Variants in FLNA observed in about 807,000 individuals in gnomAD.
FLNA encodes the protein filamin-A.
FLNA carries 7 observed loss-of-function variants against 157.6 expected under a neutral mutation model. The ratio of observed to expected loss-of-function variants is 0.04; its 90% CI spans 0.03 to 0.08. FLNA has a LOEUF of 0.08. FLNA is among the 10% of genes least tolerant of loss of function. The probability of loss-of-function intolerance (pLI) is 1.00; values close to 1 mark genes in which losing one functional copy is unlikely to be tolerated. For synonymous variants in FLNA, 1,103 were observed against 1,060.8 expected (o/e 1.04, Z -0.77); for missense variants, 1,750 against 2,398.4 (o/e 0.73, Z 5.65).
Position 154,354,936 on chromosome X carries a change from C to T in FLNA, c.5106G>A (p.Glu1702=). 8.2e-7 allele frequency: 1 copy of T among 1,212,286 alleles called. No individual in the cohort carries two copies. Residue 1702 remains glutamate, a synonymous_variant, in exon 31 of 48, where the codon GAG becomes GAA. Transcript: ENST00000369850. ...AGATGTCGAAAGTGCCGTCCTCATT[C>T]TCCACCACGTCCACATCCACCTCTG... ...DGSEVDVDVV[E]NEDGTFDIFY...
At chrX:154,349,264 C>T (rs1371727252) in intron 47 of FLNA, 98 bp downstream of exon 47, 28 of 952,159 alleles carry the variant, frequency 2.9e-5, no homozygotes, top group Middle Eastern at 3.5e-4. Context: ...GTGAAAGCCA[C>T]GCCCCAAAGG....
chrX:154,351,823 C>G, intron 42 of FLNA, 61 bp downstream of exon 42: 1 of 1,191,185 alleles, frequency 8.4e-7, no homozygotes, highest in Non-Finnish European at 1.1e-6. Context: ...CTGTGCCAGC[C>G]CTGGGTCCAA....
intron 19 of FLNA, 85 bp downstream of exon 19, chrX:154,361,894 G>C: frequency 8.9e-7 from 1 of 1,120,564 alleles, no homozygotes; most frequent in East Asian, 3.0e-5. Flanking sequence ...GAATGAGAGT[G>C]GGCAGAAAGT....
rs781842762 is a variant in FLNA, at chrX:154,362,099, A to G, written c.2706T>C (p.Ala902=). 6.6e-6 allele frequency: 8 copies of G among 1,209,841 alleles called. No homozygotes were observed. The highest frequency in any genetic ancestry group is 8.9e-6 in the Non-Finnish European group (8 of 894,987). ...PTHFTVNAKA[A]GKGKLDVQFS... The stretch of plus-strand genomic sequence containing the variant: ...ACTGGACGTCCAGCTTGCCTTTGCC[A>G]GCAGCTTTGGCATTTACTGTGAAGT... The change falls in exon 19 of 48, where the codon GCT becomes GCC. Residue 902 remains alanine (A), a synonymous_variant. Coordinates refer to ENST00000369850, the MANE Select transcript of FLNA (RefSeq NM_001110556.2).
Position 154,364,529 on chromosome X carries a change from G to A in FLNA, c.2019C>T (p.Asp673=), listed in dbSNP as rs1557178734. ...IRDAPQDFHP[D]RVKARGPGLE... ...GCCATCACAGCCTGCTCTTTACCCTGTCTGGGTGGAAGTCCTGGGGCGCGT... is the reference window on the plus strand; with the variant it reads ...GCCATCACAGCCTGCTCTTTACCCTATCTGGGTGGAAGTCCTGGGGCGCGT... Residue 673 remains aspartate, a synonymous_variant, in exon 13 of 48, where the codon GAC becomes GAT. Coordinates refer to ENST00000369850, the MANE Select transcript of FLNA (RefSeq NM_001110556.2). The A allele has an allele frequency of 3.3e-6, 4 of 1,209,622 alleles. No individual in the cohort carries two copies. Among genetic ancestry groups the A allele is most frequent in the Non-Finnish European group, 4.5e-6 (4 of 895,182 alleles).
intron 30 of FLNA, among the ~76,000 whole-genome samples, chrX:154,356,142 C>T (rs1161621272): frequency 8.9e-6 from 1 of 112,173 alleles, no homozygotes; most frequent in Non-Finnish European, 1.9e-5. Context: ...GCTTGGGCCC[C>T]AACCTCACAG....
rs372351673 is a variant in FLNA, at chrX:154,353,351, C to T, written c.5967G>A (p.Pro1989=). The T allele has an allele frequency of 3.4e-5, 41 of 1,210,724 alleles. No individual in the cohort carries two copies. The highest frequency in any genetic ancestry group is 4.2e-5 in the Non-Finnish European group (38 of 895,381). Residue 1989 remains proline (P), a synonymous_variant, in exon 37 of 48, where the codon CCG becomes CCA. Transcript: ENST00000369850. ...AACAGGGCTCCTCCCGGCCCGAGGG[C>T]GGGACCACAGTGGCCGTCAGCAGGC... ...DLSLLTATVV[P]PSGREEPCLL... is the part of the protein sequence containing the mutation.
chrX:154,358,945 G>A, intron 26 of FLNA, 39 bp downstream of exon 26: 1 of 1,199,421 alleles, frequency 8.3e-7, no homozygotes, highest in South Asian at 1.8e-5. Flanking sequence ...ACAGGACACT[G>A]CCCTCCTGAC....
chrX:154,360,390 G>A lies in FLNA; in HGVS notation c.3405C>T (p.Asn1135=). The change falls in exon 22 of 48, where the codon AAC becomes AAT. Residue 1135 remains asparagine, a synonymous_variant. Transcript: ENST00000369850. ...SYVPTEPGDY[N]INILFADTHI... The stretch of plus-strand genomic sequence containing the variant: ...GGGTGTCAGCGAAGAGGATGTTGAT[G>A]TTGTAGTCCCCGGGCTCGGTGGGCA... The A allele has an allele frequency of 8.3e-7, 1 of 1,211,631 alleles. No homozygotes were observed. Among genetic ancestry groups the A allele is most frequent in the East Asian group, 3.0e-5 (1 of 33,871 alleles).
Position 154,364,343 on chromosome X carries a change from C to T in FLNA, c.2052G>A (p.Lys684=), listed in dbSNP as rs1557178680. 4 of 1,209,135 alleles carry T rather than the reference C, an allele frequency of 3.3e-6. No individual in the cohort carries two copies. The African/African-American group carries it at 7.0e-5, about 21-fold the overall frequency. The change falls in exon 14 of 48, where the codon AAG becomes AAA. Residue 684 remains lysine, a synonymous_variant. Transcript: ENST00000369850. ...CTGGCTTGTTGACGGCCACACCTGTCTTCTCCAATCCAGGCCCACGTGCCT... is the reference window on the plus strand; with the variant it reads ...CTGGCTTGTTGACGGCCACACCTGTTTTCTCCAATCCAGGCCCACGTGCCT... ...RVKARGPGLE[K]TGVAVNKPAE...
rs782307585 is a variant in FLNA at position 154,358,301 on chromosome X, A to C, written c.4653T>G (p.Ser1551Arg). The C allele has an allele frequency of 8.3e-7, 1 of 1,211,252 alleles. No homozygotes were observed. The highest frequency in any genetic ancestry group is 2.2e-5 in the Admixed American group (1 of 46,113). ...PTHDASKVKA[S>R]GPGLNTTGVP... is the part of the protein sequence containing the mutation. ...CGCCAGTGGTGTTGAGCCCGGGGCCACTGGCCTTCACCTTGCTGGCATCAT... is the reference window on the plus strand; with the variant it reads ...CGCCAGTGGTGTTGAGCCCGGGGCCCCTGGCCTTCACCTTGCTGGCATCAT... Residue 1551 changes from serine (S) to arginine (R), a missense_variant, in exon 28 of 48, where the codon AGT becomes AGG. Ser to Arg is a moderately radical substitution (Grantham distance 110, BLOSUM62 -1). Coordinates refer to ENST00000369850, the MANE Select transcript of FLNA (RefSeq NM_001110556.2).
Position 154,352,789 on chromosome X carries a change from G to T in FLNA, c.6362C>A (p.Ala2121Asp), listed in dbSNP as rs868993210. 1.7e-6 allele frequency: 2 copies of T among 1,211,843 alleles called. No individual in the cohort carries two copies. Among genetic ancestry groups the T allele is most frequent in the South Asian group, 3.5e-5 (2 of 57,028 alleles). ...PGNYIINIKF[A>D]DQHVPGSPFS... ...GCACTCACCAGGCACGTGCTGGTCG[G>T]CAAACTTGATGTTGATGATGTAGTT... The change falls in exon 39 of 48, where the codon GCC (alanine) becomes GAC (aspartate). Residue 2121 changes from alanine (A) to aspartate (D), a missense_variant. Ala to Asp is a moderately radical substitution (Grantham distance 126). Coordinates refer to ENST00000369850, the MANE Select transcript of FLNA (RefSeq NM_001110556.2).
chrX:154,351,611 G>A lies in FLNA; in HGVS notation c.6993C>T (p.Asp2331=), dbSNP rs201153928. Residue 2331 remains aspartate (D), a synonymous_variant, in exon 43 of 48, where the codon GAC becomes GAT. Coordinates refer to ENST00000369850, the MANE Select transcript of FLNA (RefSeq NM_001110556.2). ...GGCTAGAAACAGTGAGGCGGCGGGC[G>A]TCGCCAGACGGAGAAGCCACAGGCA... The part of the protein sequence containing the change: ...FVVPVASPSG[D]ARRLTVSSLQ... 2.0e-4 allele frequency: 240 copies of A among 1,206,214 alleles called. No individual in the cohort carries two copies. Among genetic ancestry groups the A allele is most frequent in the East Asian group, 3.3e-4 (11 of 33,771 alleles).
chrX:154,351,005 C>T lies in FLNA; in HGVS notation c.7060G>A (p.Ala2354Thr). Residue 2354 changes from alanine (A) to threonine (T), a missense_variant, in exon 44 of 48, where the codon GCA becomes ACA. Transcript: ENST00000369850. ...CCCTTGGCCCCGTTCAGGCTGACTGCAAAAGAGGCTGGCTGGTTGACCTTT... is the reference window on the plus strand; with the variant it reads ...CCCTTGGCCCCGTTCAGGCTGACTGTAAAAGAGGCTGGCTGGTTGACCTTT... ...GLKVNQPASF[A>T]VSLNGAKGAI... is the part of the protein sequence containing the mutation. The T allele has an allele frequency of 8.3e-7, 1 of 1,211,614 alleles. No homozygotes were observed. The highest frequency in any genetic ancestry group is 1.1e-6 in the Non-Finnish European group (1 of 895,237).
intron 9 of FLNA, 44 bp from the exon 10 acceptor site, chrX:154,365,530 C>G: frequency 1.7e-6 from 2 of 1,197,513 alleles, no homozygotes; most frequent in Non-Finnish European, 2.3e-6. Context: ...CTCGGCTGGG[C>G]GACCCCTCCC....
In FLNA at chrX:154,364,008, G is replaced by A. The variant is rs373622616; in HGVS notation, c.2280+14C>T. ...CTATCGAGATGGACTAAAGGCCGGT[G>A]GAGGTTGGCTCACCCTGAAGGGGCT... On this transcript the variant is annotated intron_variant, in intron 15 of 47. Coordinates refer to ENST00000369850, the MANE Select transcript of FLNA (RefSeq NM_001110556.2). The A allele has an allele frequency of 1.6e-5, 19 of 1,207,532 alleles. No individual in the cohort carries two copies. In the African/African-American group the frequency reaches 1.9e-4, roughly 12 times the overall value.
At chrX:154,351,163 A>G in intron 43 of FLNA, 122 bp from the exon 44 acceptor site, 1 of 789,020 alleles carries the variant, frequency 1.3e-6, no homozygotes, top group Non-Finnish European at 1.9e-6. Flanking sequence ...AACTTGGTTT[A>G]AAGAGGGAGA....
Position 154,349,787 on chromosome X carries a change from C to CCTT in FLNA, c.7411_7413dup (p.Lys2471dup). On this transcript the variant is annotated inframe_insertion, in exon 46 of 48. Transcript: ENST00000369850. ...GGGCACTCCTGGCAATCCATCTTCA[C>CCTT]CTTGGAGGGGCCGTCAATGGTCACC... 1 of 1,211,686 alleles carries CCTT rather than the reference C, an allele frequency of 8.3e-7. No individual in the cohort carries two copies. Among genetic ancestry groups the CCTT allele is most frequent in the Non-Finnish European group, 1.1e-6 (1 of 895,436 alleles).
At position 154,348,771 on chromosome X, in the gene FLNA, G is replaced by A. The variant is rs782497405; in HGVS notation, c.*78C>T. 148 of 999,569 alleles carry A rather than the reference G, an allele frequency of 1.5e-4. No individual in the cohort carries two copies. In the African/African-American group the frequency reaches 2.2e-3, roughly 15 times the overall value. 82.4% of individuals were successfully genotyped at this position (999,569 alleles called of 1,213,427 possible). On this transcript the variant is annotated 3_prime_UTR_variant, in exon 48 of 48. Coordinates refer to ENST00000369850, the MANE Select transcript of FLNA (RefSeq NM_001110556.2). ...GCGGGCGGCCAGGGCGGCCTGGGCC[G>A]GGGTTGAGGGGAAGAGGGCGGGGCT...
Sources: gnomAD v4.1 joint callset for allele counts (sites outside exome capture counted in the v4.1 genomes callset) on GRCh38, gnomAD v4.1.1 for gene constraint, MANE v1.5 for transcripts, NCBI Gene and HGNC (gene_info 2026-07-23, HGNC 2026-07-21) for gene names.